SLC6A5: variants seen among roughly 807,000 people sequenced by gnomAD.
The protein encoded by SLC6A5 is solute carrier family 6 member 5.
A neutral mutation model predicts 90.5 loss-of-function variants in SLC6A5; 58 were observed. The observed-to-expected ratio is 0.64, with a 90% CI of 0.52 to 0.80. The LOEUF (loss-of-function observed/expected upper bound fraction) is 0.80. Ranked by LOEUF, SLC6A5 falls within the 30% of genes least tolerant of loss-of-function variation. The pLI, the probability that SLC6A5 is intolerant of heterozygous loss-of-function variation, is 0.00. For missense variants in SLC6A5, 1,015 were observed against 1,017.6 expected (o/e 1.00, Z 0.03); for synonymous variants, 427 against 401.4 (o/e 1.06, Z -0.76).
chr11:20,614,859 G>T, intron 6 of SLC6A5, 39 bp downstream of exon 6: 1 of 1,549,432 alleles, frequency 6.5e-7, no homozygotes, highest in South Asian at 1.1e-5. Flanking sequence ...CCTTCTAAGA[G>T]AAACACAGTG....
rs570909006 is a variant in SLC6A5, at chr11:20,622,923, T to C, written c.1261-3785T>C. Reference sequence around the variant, plus strand: ...GGTCAGGGCCTGCCCTTGTAGTATCTCATCTTCCCAGCCCCACCTGACAGC... The same window carrying C: ...GGTCAGGGCCTGCCCTTGTAGTATCCCATCTTCCCAGCCCCACCTGACAGC... On this transcript the variant is annotated intron_variant, in intron 7 of 15. Coordinates refer to ENST00000525748, the MANE Select transcript of SLC6A5 (RefSeq NM_004211.5). Among the ~76,000 whole-genome samples, 6 of 152,302 alleles carry C rather than the reference T, an allele frequency of 3.9e-5. No individual in the cohort carries two copies. In the South Asian group the frequency reaches 1.2e-3, roughly 32 times the overall value.
At chr11:20,600,393 GAA>G in intron 1 of SLC6A5, among the ~76,000 whole-genome samples, 1 of 144,624 alleles carries the variant, frequency 6.9e-6, no homozygotes, top group Non-Finnish European at 1.5e-5. Context: ...AGAAGAAGAA[GAA>G]GAAGAAGAAG....
chr11:20,624,150 A>T (rs1237401670), intron 7 of SLC6A5, among the ~76,000 whole-genome samples: 1 of 148,962 alleles, frequency 6.7e-6, no homozygotes. Flanking sequence ...ATATATATAT[A>T]TTATATATAT....
At chr11:20,646,793 C>A in intron 13 of SLC6A5, 41 bp from the exon 14 acceptor site, 2 of 1,393,358 alleles carry the variant, frequency 1.4e-6, no homozygotes, top group Non-Finnish European at 2.0e-6. Flanking sequence ...CACCTTCCTG[C>A]TACTGTGCCT....
At chr11:20,640,783 G>T (rs758482569) in intron 13 of SLC6A5, among the ~76,000 whole-genome samples, 4 of 151,842 alleles carry the variant, frequency 2.6e-5, no homozygotes, top group African/African-American at 4.8e-5. Context: ...AGATGATGAG[G>T]CCCCAGACCA....
At chr11:20,645,428 C>T (rs912883718) in intron 13 of SLC6A5, among the ~76,000 whole-genome samples, 9 of 152,008 alleles carry the variant, frequency 5.9e-5, no homozygotes, top group African/African-American at 2.2e-4. Flanking sequence ...AATTCACCTG[C>T]TCTGGTGGAG....
chr11:20,620,295 C>A (rs1464190076), intron 7 of SLC6A5, among the ~76,000 whole-genome samples: 1 of 152,090 alleles, frequency 6.6e-6, no homozygotes, highest in East Asian at 1.9e-4. Flanking sequence ...AGAGTCAGAC[C>A]AATCTTAGTT....
At position 20,626,741 on chromosome 11, in the gene SLC6A5, G is replaced by A. The variant is rs747503226; in HGVS notation, c.1294G>A (p.Val432Ile). 21 of 1,614,042 alleles carry A rather than the reference G, an allele frequency of 1.3e-5. No homozygotes were observed. Among genetic ancestry groups the A allele is most frequent in the South Asian group, 9.9e-5 (9 of 91,064 alleles). The change falls in exon 8 of 16, where the codon GTA becomes ATA. Residue 432 changes from valine (V) to isoleucine (I), a missense_variant. Physicochemically the swap from Val to Ile is conservative, Grantham distance 29. Around this residue, in one of 3 missense-constraint regions of SLC6A5, gnomAD observed 442 missense variants for 494.3 expected, o/e 0.89. Transcript: ENST00000525748. ...CTTCACGGCCACGTTCCCGTATGTC[G>A]TACTCGTGATCCTCCTCATCCGAGG... ...VYFTATFPYVVLVILLIRGVT... is the reference protein window; with the variant it reads ...VYFTATFPYVILVILLIRGVT...
chr11:20,614,567 C>T, intron 5 of SLC6A5, 112 bp from the exon 6 acceptor site: 1 of 986,928 alleles, frequency 1.0e-6, no homozygotes, highest in South Asian at 1.3e-5. Flanking sequence ...TGAAGGTACT[C>T]TCCAATATTT....
Position 20,601,320 on chromosome 11 carries a change from G to A in SLC6A5, c.195G>A (p.Ala65=), listed in dbSNP as rs1333059198. The change falls in exon 2 of 16, where the codon GCG becomes GCA. Residue 65 remains alanine, a synonymous_variant. Transcript: ENST00000525748. The part of the protein sequence containing the change: ...ASTGAQTFQS[A]DARACEAERP... ...CCGGCGCCCAAACTTTCCAGTCAGC[G>A]GACGCGCGAGCCTGCGAGGCTGAGC... 1.3e-6 allele frequency: 2 copies of A among 1,593,244 alleles called. No individual in the cohort carries two copies. The highest frequency in any genetic ancestry group is 8.5e-7 in the Non-Finnish European group (1 of 1,174,040).
chr11:20,622,659 C>T (rs974052085), intron 7 of SLC6A5, among the ~76,000 whole-genome samples: 45 of 152,194 alleles, frequency 3.0e-4, no homozygotes, highest in African/African-American at 1.0e-3. Context: ...ACAGAGGGAA[C>T]TCAGGAGTGA....
chr11:20,599,670 G>GC lies in SLC6A5; in HGVS notation c.-3_-2insC. On this transcript the variant is annotated 5_prime_UTR_variant, in exon 1 of 16. Coordinates refer to ENST00000525748, the MANE Select transcript of SLC6A5 (RefSeq NM_004211.5). ...CCAGTTCAGTCTGTTGCCTGTGTCA[G>GC]ACATGGTGAGTGTTTGCTTTTGTTC... is the stretch of plus-strand genomic sequence containing the variant. 1.2e-6 allele frequency: 2 copies of GC among 1,614,106 alleles called. No individual in the cohort carries two copies. The highest frequency in any genetic ancestry group is 1.6e-4 in the Middle Eastern group (1 of 6,062).
At chr11:20,608,417 G>C (rs972083449) in intron 5 of SLC6A5, among the ~76,000 whole-genome samples, 2 of 152,164 alleles carry the variant, frequency 1.3e-5, no homozygotes, top group Non-Finnish European at 2.9e-5. Context: ...CTATACCTCT[G>C]TCACTGACTG....
intron 15 of SLC6A5, 93 bp from the exon 16 acceptor site, chr11:20,654,620 G>A: frequency 7.9e-7 from 1 of 1,266,156 alleles, no homozygotes; most frequent in Non-Finnish European, 1.2e-6. Context: ...TCTGGTCAAA[G>A]TGGTCATAAG....
chr11:20,605,389 C>A (rs577497299), intron 3 of SLC6A5, among the ~76,000 whole-genome samples: 33 of 152,282 alleles, frequency 2.2e-4, no homozygotes, highest in Non-Finnish European at 4.3e-4. Context: ...ACGGTTAAAG[C>A]GCAAAACATA....
rs1020409424 is a variant in SLC6A5 at position 20,654,785 on chromosome 11, A to G, written c.2311A>G (p.Lys771Glu). The change falls in exon 16 of 16, where the codon AAG becomes GAG. Residue 771 changes from lysine (K) to glutamate (E), a missense_variant. This residue lies in a region of SLC6A5 where 442 missense variants were observed against 494.3 expected (regional missense o/e 0.89). Coordinates refer to ENST00000525748, the MANE Select transcript of SLC6A5 (RefSeq NM_004211.5). The part of the protein sequence containing the change: ...FLAQHRGERY[K>E]NMIDPLGTSS... ...AGCTCAACACCGCGGGGAGCGTTAC[A>G]AGAACATGATCGACCCCTTGGGAAC... 1 of 1,614,124 alleles carries G rather than the reference A, an allele frequency of 6.2e-7. No individual in the cohort carries two copies. The highest frequency in any genetic ancestry group is 8.5e-7 in the Non-Finnish European group (1 of 1,180,024).
At position 20,646,848 on chromosome 11, in the gene SLC6A5, T is replaced by C. The variant is rs1287660606; in HGVS notation, c.1984T>C (p.Cys662Arg). Residue 662 changes from cysteine to arginine, a missense_variant, in exon 14 of 16, where the codon TGT becomes CGT. Cys to Arg is a radical substitution (Grantham distance 180). Around this residue, in one of 3 missense-constraint regions of SLC6A5, gnomAD observed 442 missense variants for 494.3 expected, o/e 0.89. Transcript: ENST00000525748. ...ISYVYGLQRFCEDIEMMIGFQ... is the reference protein window; with the variant it reads ...ISYVYGLQRFREDIEMMIGFQ... ...TCTATTTGCAGGCTTGCAAAGATTC[T>C]GTGAAGATATAGAGATGATGATTGG... 5 of 1,612,880 alleles carry C rather than the reference T, an allele frequency of 3.1e-6. No homozygotes were observed. Among genetic ancestry groups the C allele is most frequent in the South Asian group, 2.2e-5 (2 of 91,060 alleles).
intron 14 of SLC6A5, among the ~76,000 whole-genome samples, chr11:20,647,511 C>T (rs1413757512): frequency 6.8e-6 from 1 of 146,572 alleles, no homozygotes; most frequent in Non-Finnish European, 1.5e-5. Flanking sequence ...TCCTATGGAA[C>T]ATTTCCTATG....
At chr11:20,624,396 GC>G (rs1350126029) in intron 7 of SLC6A5, among the ~76,000 whole-genome samples, 1 of 151,878 alleles carries the variant, frequency 6.6e-6, no homozygotes. Context: ...CAAGTGATCC[GC>G]CTGCCTCAGC....
Sources: allele counts gnomAD v4.1 joint callset (sites outside exome capture counted in the v4.1 genomes callset), GRCh38; gene constraint gnomAD v4.1.1; regional missense constraint gnomAD v4.1.1; transcripts MANE v1.5; gene names NCBI Gene and HGNC (gene_info 2026-07-23, HGNC 2026-07-21).